Variants in AVEN observed in about 807,000 individuals in gnomAD.
AVEN encodes the protein cell death regulator Aven.
A neutral mutation model predicts 38.1 loss-of-function variants in AVEN; 41 were observed. The observed-to-expected ratio is 1.08, with a 90% CI of 0.84 to 1.40. The LOEUF (loss-of-function observed/expected upper bound fraction) is 1.40, where lower values mean the gene tolerates loss of function less well. AVEN is among the 40% of genes most tolerant of loss of function. AVEN has a pLI of 0.00. For missense variants in AVEN, 605 were observed against 438.8 expected (o/e 1.38, Z -3.38); for synonymous variants, 206 against 171.8 (o/e 1.20, Z -1.56).
At chr15:33,963,313 C>T (rs999223361) in intron 2 of AVEN, among the ~76,000 whole-genome samples, 9 of 152,084 alleles carry the variant, frequency 5.9e-5, no homozygotes, top group African/African-American at 2.2e-4. Flanking sequence ...CCCTAACAGA[C>T]AAGAGATCCA....
At chr15:33,908,248 A>ATTCTCTCTCACCCC (rs1597218959) in intron 2 of AVEN, among the ~76,000 whole-genome samples, 1 of 40,704 alleles carries the variant, frequency 2.5e-5, no homozygotes, top group Admixed American at 2.9e-4. Flanking sequence ...ACACATAACC[A>ATTCTCTCTCACCCC]GGATTCTTTT....
At chr15:33,981,063 C>G (rs538332452) in intron 2 of AVEN, among the ~76,000 whole-genome samples, 1 of 138,880 alleles carries the variant, frequency 7.2e-6, no homozygotes, top group Admixed American at 7.9e-5. Context: ...TATAAACATA[C>G]AATCACAACT....
At chr15:33,899,047 C>G (rs998077857) in intron 2 of AVEN, among the ~76,000 whole-genome samples, 1 of 152,076 alleles carries the variant, frequency 6.6e-6, no homozygotes, top group African/African-American at 2.4e-5. Context: ...AGCATTAGCT[C>G]TAAGTGTGAT....
At chr15:33,964,523 ATC>A (rs1367994125) in intron 2 of AVEN, among the ~76,000 whole-genome samples, 2 of 152,204 alleles carry the variant, frequency 1.3e-5, no homozygotes, top group Non-Finnish European at 2.9e-5. Flanking sequence ...AAAAAATGCA[ATC>A]GTTTTACCCG....
In AVEN at chr15:33,859,455, A is replaced by C. The variant is rs2153012894; in HGVS notation, n.2730-361T>G. On this transcript the variant is annotated intron_variant and non_coding_transcript_variant, in intron 11 of 11. Coordinates refer to the AVEN transcript ENST00000675287. ...AGCATGAATACTGGCACCTCTGAAG[A>C]GTTCCCCTCTCGTGGCTTAGGGCTG... The C allele has an allele frequency of 4.9e-6, 5 of 1,021,780 alleles. No homozygotes were observed. The South Asian group carries it at 6.1e-5, about 13-fold the overall frequency. 63.3% of individuals were successfully genotyped at this position (1,021,780 alleles called of 1,614,324 possible).
downstream of AVEN, chr15:33,858,190 G>C (rs1055886941): frequency 2.6e-6 from 1 of 380,602 alleles, no homozygotes; most frequent in African/African-American, 2.0e-5. Context: ...ATCTATTTCC[G>C]GGGTAAAGAT....
intron 2 of AVEN, among the ~76,000 whole-genome samples, chr15:33,923,366 G>C (rs1453697433): frequency 6.6e-6 from 1 of 152,186 alleles, no homozygotes; most frequent in East Asian, 1.9e-4. Flanking sequence ...CATTAATGAA[G>C]AGTAGTAAGT....
At chr15:33,983,709 C>G (rs929172971) in intron 2 of AVEN, among the ~76,000 whole-genome samples, 1 of 152,026 alleles carries the variant, frequency 6.6e-6, no homozygotes, top group African/African-American at 2.4e-5. Context: ...CTTAGTGACT[C>G]GCTGCTAGTG....
intron 2 of AVEN, among the ~76,000 whole-genome samples, chr15:33,904,855 C>T (rs992345754): frequency 4.6e-5 from 7 of 151,722 alleles, no homozygotes; most frequent in African/African-American, 1.7e-4. Context: ...TTTGGTTGGG[C>T]GTGGTGGCTC....
intron 5 of AVEN, among the ~76,000 whole-genome samples, chr15:34,050,922 G>A (rs572363276): frequency 3.9e-5 from 6 of 152,196 alleles, no homozygotes; most frequent in South Asian, 2.1e-4. Context: ...ACACCCCACC[G>A]ACTATATTAG....
chr15:34,072,860 A>G (rs4780207), intron 1 of AVEN, among the ~76,000 whole-genome samples: 149,874 of 151,494 alleles, frequency 0.99, 74,156 homozygotes, highest in Middle Eastern at 1. Context: ...CCTGTTAGCC[A>G]CGATGGTCTC....
chr15:33,861,002 C>G (rs184235909), intron 11 of AVEN: 3 of 1,135,522 alleles, frequency 2.6e-6, no homozygotes, highest in East Asian at 5.2e-5. Context: ...TCCTTCAATT[C>G]GATAGAATCA....
intron 2 of AVEN, among the ~76,000 whole-genome samples, chr15:33,997,026 G>T (rs1430562676): frequency 6.6e-6 from 1 of 152,198 alleles, no homozygotes. Flanking sequence ...ACCCGATGGG[G>T]CTGAAAACCA....
chr15:33,982,593 T>G (rs1206316251), intron 2 of AVEN, among the ~76,000 whole-genome samples: 1 of 152,214 alleles, frequency 6.6e-6, no homozygotes, highest in South Asian at 2.1e-4. Flanking sequence ...TTTTACAATT[T>G]TTTTTAAATG....
At chr15:33,958,559 C>T (rs1307699979) in intron 2 of AVEN, among the ~76,000 whole-genome samples, 1 of 151,182 alleles carries the variant, frequency 6.6e-6, no homozygotes, top group African/African-American at 2.4e-5. Flanking sequence ...CCACTGCACT[C>T]CAGCCTGGGC....
rs117828542 is a variant in AVEN, at chr15:33,949,559, G to A, written c.445+53473C>T. Among the ~76,000 whole-genome samples, 228 of 152,134 alleles carry A rather than the reference G, an allele frequency of 1.5e-3. 6 individuals are homozygous for A. The East Asian group carries it at 0.036, about 24-fold the overall frequency. On this transcript the variant is annotated intron_variant, in intron 2 of 5. Transcript: ENST00000306730. ...CATAAATTTTTTAAGTGGATTAGTC[G>A]TTGCCTGAGGCTGGGTGTGGGAAGG... is the stretch of plus-strand genomic sequence containing the variant.
chr15:33,953,115 C>T lies in AVEN; in HGVS notation c.445+49917G>A, dbSNP rs376154598. Among the ~76,000 whole-genome samples the T allele has an allele frequency of 3.3e-5, 5 of 152,234 alleles. No homozygotes were observed. In the South Asian group the frequency reaches 8.3e-4, roughly 25 times the overall value. ...GGACCTCTTCAAGGAGAACTACAAA[C>T]CACTGCTCTACGAAATAAAGAGGAC... On this transcript the variant is annotated intron_variant, in intron 2 of 5. Transcript: ENST00000306730.
At position 34,063,435 on chromosome 15, in the gene AVEN, G is replaced by C; in HGVS notation, n.1127-3C>G. The C allele has an allele frequency of 9.3e-6, 15 of 1,613,864 alleles. No homozygotes were observed. Among genetic ancestry groups the C allele is most frequent in the Non-Finnish European group, 1.1e-5 (13 of 1,180,044 alleles). ...GGGTTCTGACTCTGTGACCAAAGCT[G>C]AGAAGAGAAAGCCAGCTCATAGGGC... On this transcript the variant is annotated splice_polypyrimidine_tract_variant and splice_region_variant and intron_variant and non_coding_transcript_variant, in intron 4 of 11. Coordinates refer to the AVEN transcript ENST00000675287. The surrounding 1 kb of genome is among the most constrained non-coding windows in gnomAD (Gnocchi z 4.1).
At chr15:33,880,382 T>C (rs1402028687) in intron 2 of AVEN, among the ~76,000 whole-genome samples, 2 of 152,100 alleles carry the variant, frequency 1.3e-5, no homozygotes, top group Admixed American at 6.5e-5. Context: ...ACCCAGGAGG[T>C]TGTAAAGCTG....
Sources: gnomAD v4.1 joint callset for allele counts (sites outside exome capture counted in the v4.1 genomes callset) on GRCh38, gnomAD v4.1.1 for gene constraint, Gnocchi (gnomAD v3.1) non-coding constraint, MANE v1.5 for transcripts, NCBI Gene and HGNC (gene_info 2026-07-23, HGNC 2026-07-21) for gene names.